ACTR3C: variants seen among roughly 807,000 people sequenced by gnomAD.
The protein encoded by ACTR3C is actin-related protein 3C.
Under a neutral mutation model 26.3 loss-of-function variants are expected in ACTR3C, and 18 were observed. The observed-to-expected ratio is 0.68, with a 90% CI of 0.47 to 1.01. The LOEUF is 1.01. Ranked by LOEUF, ACTR3C falls within the 50% of genes least tolerant of loss-of-function variation. ACTR3C has a pLI of 0.00. For missense variants in ACTR3C, 184 were observed against 250.7 expected (o/e 0.73, Z 1.80); for synonymous variants, 55 against 94.5 (o/e 0.58, Z 2.42).
chr7:150,203,334 C>T, the ACTR3C span, among the ~76,000 whole-genome samples: 1 of 152,170 alleles, frequency 6.6e-6, no homozygotes, highest in African/African-American at 2.4e-5. Flanking sequence ...AATTGCAGTA[C>T]GGTGTGTAAA....
chr7:149,952,856 CTGG>C, the ACTR3C span, among the ~76,000 whole-genome samples: 3 of 150,814 alleles, frequency 2.0e-5, no homozygotes. Flanking sequence ...TCATATACTG[CTGG>C]TGAGAATATA....
the ACTR3C span, among the ~76,000 whole-genome samples, chr7:150,085,104 T>C: frequency 2.0e-5 from 3 of 152,096 alleles, no homozygotes; most frequent in Non-Finnish European, 4.4e-5. Flanking sequence ...GGAGGAGCAA[T>C]GGCCGTGGGG....
the ACTR3C span, among the ~76,000 whole-genome samples, chr7:150,158,696 A>G: frequency 2.0e-5 from 3 of 152,366 alleles, no homozygotes; most frequent in African/African-American, 7.2e-5. Flanking sequence ...CCTTGCAGAT[A>G]GAAGCTGAAT....
the ACTR3C span, among the ~76,000 whole-genome samples, chr7:149,907,478 T>TCTCTTCTCTCTC: frequency 2.0e-5 from 2 of 97,606 alleles, no homozygotes; most frequent in Non-Finnish European, 4.2e-5. Flanking sequence ...CTCTCTTCTC[T>TCTCTTCTCTCTC]TCTCTCTCTC....
At chr7:149,952,155 A>G in the ACTR3C span, among the ~76,000 whole-genome samples, 2 of 131,286 alleles carry the variant, frequency 1.5e-5, no homozygotes, top group Non-Finnish European at 3.0e-5. Context: ...ATTTAACCCT[A>G]AAAAAAACGC....
chr7:150,323,338 C>G (rs553262165), intron 1 of ACTR3C, 131 bp downstream of exon 1: 11 of 275,886 alleles, frequency 4.0e-5, no homozygotes, highest in Non-Finnish European at 6.4e-5. Flanking sequence ...TGGCCAGGCC[C>G]CCTGGGCGCG....
the ACTR3C span, among the ~76,000 whole-genome samples, chr7:150,201,533 A>T: frequency 6.6e-6 from 1 of 151,588 alleles, no homozygotes; most frequent in Non-Finnish European, 1.5e-5. Flanking sequence ...GGATCACCTG[A>T]GGTCAGGAGT....
the ACTR3C span, among the ~76,000 whole-genome samples, chr7:150,187,127 T>A: frequency 6.6e-6 from 1 of 151,690 alleles, no homozygotes; most frequent in Admixed American, 6.6e-5. Context: ...ACTGTTCTCT[T>A]TTTTTGATTC....
At chr7:150,021,309 A>G in the ACTR3C span, among the ~76,000 whole-genome samples, 126 of 151,984 alleles carry the variant, frequency 8.3e-4, 2 homozygotes, top group Middle Eastern at 3.4e-3. Context: ...ATATATTGAA[A>G]CTTTTAAAGT....
chr7:150,226,744 C>G, the ACTR3C span, among the ~76,000 whole-genome samples: 3 of 152,008 alleles, frequency 2.0e-5, no homozygotes, highest in African/African-American at 7.2e-5. Flanking sequence ...CGCCTCATTG[C>G]CGTTTTAATT....
chr7:150,211,239 T>A, the ACTR3C span, among the ~76,000 whole-genome samples: 4 of 150,082 alleles, frequency 2.7e-5, no homozygotes, highest in Non-Finnish European at 5.9e-5. Flanking sequence ...TCTATGCCAA[T>A]GGATGCCTTA....
At chr7:150,039,765 G>T in the ACTR3C span, among the ~76,000 whole-genome samples, 24 of 133,134 alleles carry the variant, frequency 1.8e-4, no homozygotes, top group South Asian at 1.0e-3. Flanking sequence ...TGCGATGGGG[G>T]TCCCCAGAGC....
At chr7:150,322,179 T>A (rs1797589472) in intron 1 of ACTR3C, among the ~76,000 whole-genome samples, 1 of 152,172 alleles carries the variant, frequency 6.6e-6, no homozygotes, top group Non-Finnish European at 1.5e-5. Flanking sequence ...TAAGGACTTG[T>A]GGGAGTCATC....
chr7:150,168,707 C>T, the ACTR3C span, among the ~76,000 whole-genome samples: 1 of 150,604 alleles, frequency 6.6e-6, no homozygotes, highest in Non-Finnish European at 1.5e-5. Flanking sequence ...TAGGCGTCCT[C>T]CACATCCCCT....
the ACTR3C span, among the ~76,000 whole-genome samples, chr7:149,901,112 A>G: frequency 7.9e-5 from 12 of 152,258 alleles, no homozygotes; most frequent in African/African-American, 2.7e-4. Context: ...GTCAGTTTAA[A>G]TATTAATCTA....
chr7:150,077,487 A>G, the ACTR3C span, among the ~76,000 whole-genome samples: 2 of 152,132 alleles, frequency 1.3e-5, no homozygotes, highest in African/African-American at 4.8e-5. Flanking sequence ...GGTTCGTGCA[A>G]TCTTCACAAG....
In ACTR3C at chr7:150,289,565, A is replaced by T. The variant is rs1298356031; in HGVS notation, c.182T>A (p.Ile61Asn). The change falls in exon 4 of 8, where the codon ATC (isoleucine) becomes AAC (asparagine). Residue 61 changes from isoleucine to asparagine, a missense_variant. Transcript: ENST00000683684. ...VAEGYVIGSC[I>N]KHIPIAGRDI... is the part of the protein sequence containing the mutation. ...TCTACCTGCAATCGGGATGTGTTTGATGCAGCTTCCAATTACATAACCTTC... is the reference window on the plus strand; with the variant it reads ...TCTACCTGCAATCGGGATGTGTTTGTTGCAGCTTCCAATTACATAACCTTC... 1.3e-6 allele frequency: 2 copies of T among 1,594,282 alleles called. No individual in the cohort carries two copies. The highest frequency in any genetic ancestry group is 1.7e-5 in the Admixed American group (1 of 59,160).
chr7:150,234,371 G>A, the ACTR3C span, among the ~76,000 whole-genome samples: 1 of 152,074 alleles, frequency 6.6e-6, no homozygotes, highest in Non-Finnish European at 1.5e-5. Flanking sequence ...CTCACTGGAG[G>A]GTAGGTCTTT....
At chr7:150,091,950 T>A in the ACTR3C span, among the ~76,000 whole-genome samples, 1 of 110,808 alleles carries the variant, frequency 9.0e-6, no homozygotes, top group East Asian at 3.1e-4. Context: ...ATCGCGCCAC[T>A]GCACTCCAGC....
Sources: gnomAD v4.1 joint callset for allele counts (sites outside exome capture counted in the v4.1 genomes callset) on GRCh38, gnomAD v4.1.1 for gene constraint, MANE v1.5 for transcripts, NCBI Gene and HGNC (gene_info 2026-07-23, HGNC 2026-07-21) for gene names.